HECTD2: variants seen among roughly 807,000 people sequenced by gnomAD.
HECTD2 encodes probable E3 ubiquitin-protein ligase HECTD2.
In HECTD2, 35 loss-of-function variants were observed where a neutral mutation model predicts 103.2. That is an observed-to-expected ratio of 0.34 (90% CI 0.26 to 0.45). The LOEUF is 0.45. Among genes scored for constraint, HECTD2 ranks in the 20% least tolerant of loss-of-function variants. The pLI, the probability that HECTD2 is intolerant of heterozygous loss-of-function variation, is 1.00. For missense variants in HECTD2, 596 were observed against 937.4 expected (o/e 0.64, Z 4.76); for synonymous variants, 281 against 329.9 (o/e 0.85, Z 1.61).
At chr10:91,505,462 G>A (rs1260538032) in intron 20 of HECTD2, among the ~76,000 whole-genome samples, 3 of 151,566 alleles carry the variant, frequency 2.0e-5, no homozygotes, top group African/African-American at 4.9e-5. Context: ...AAAAAGGCAG[G>A]GGTTGCAATC....
intron 10 of HECTD2, chr10:91,486,419 GACA>G (rs1205053595): frequency 1.3e-5 from 2 of 152,118 alleles, no homozygotes; most frequent in Non-Finnish European, 2.9e-5. Flanking sequence ...ATATTTCACT[GACA>G]ACAACATCTT....
At position 91,461,283 on chromosome 10, in the gene HECTD2, G is replaced by T; in HGVS notation, c.437G>T (p.Gly146Val). 1 of 1,545,616 alleles carries T rather than the reference G, an allele frequency of 6.5e-7. No individual in the cohort carries two copies. The highest frequency in any genetic ancestry group is 1.2e-5 in the South Asian group (1 of 82,444). ...GATGTAGAAAAAGTTAAGTCATCAG[G>T]AGATTGGAAAGCAGTACATGATTTT... ...QEDVEKVKSSGDWKAVHDFYL... is the reference protein window; with the variant it reads ...QEDVEKVKSSVDWKAVHDFYL... The change falls in exon 4 of 21, where the codon GGA becomes GTA. Residue 146 changes from glycine to valine, a missense_variant. Physicochemically the swap from Gly to Val is moderately radical, Grantham distance 109. Coordinates refer to ENST00000298068, the MANE Select transcript of HECTD2 (RefSeq NM_182765.6).
chr10:91,450,342 A>C (rs779375337), intron 2 of HECTD2, among the ~76,000 whole-genome samples: 15 of 152,084 alleles, frequency 9.9e-5, no homozygotes, highest in Non-Finnish European at 1.8e-4. Flanking sequence ...CTGAAACTGG[A>C]CCCCTTCCTT....
chr10:91,473,826 G>T (rs1387335446), intron 5 of HECTD2, among the ~76,000 whole-genome samples: 5 of 152,028 alleles, frequency 3.3e-5, no homozygotes, highest in Non-Finnish European at 5.9e-5. Context: ...TATTGGTGAG[G>T]TTCTGATCAA....
At chr10:91,478,620 A>G (rs1267173294) in intron 6 of HECTD2, among the ~76,000 whole-genome samples, 1 of 152,182 alleles carries the variant, frequency 6.6e-6, no homozygotes, top group African/African-American at 2.4e-5. Context: ...CCTGGTAGCC[A>G]GAGTGAAATT....
chr10:91,410,404 C>A lies in HECTD2; in HGVS notation c.-35C>A, dbSNP rs1289902535. The A allele has an allele frequency of 7.5e-6, 10 of 1,339,326 alleles. No individual in the cohort carries two copies. In the South Asian group the frequency reaches 1.6e-4, roughly 22 times the overall value. 83.0% of individuals were successfully genotyped at this position (1,339,326 alleles called of 1,614,324 possible). A position where few individuals can be genotyped will look rare whatever the true frequency, so the allele number is the denominator to read the frequency against. ...CCAGCCCCAGCAACACTGAGGCCGCCGCCGCCGCCTGGCGCTCCCGCCGCC... is the reference window on the plus strand; with the variant it reads ...CCAGCCCCAGCAACACTGAGGCCGCAGCCGCCGCCTGGCGCTCCCGCCGCC... On this transcript the variant is annotated 5_prime_UTR_variant, in exon 1 of 21. Coordinates refer to ENST00000298068, the MANE Select transcript of HECTD2 (RefSeq NM_182765.6).
upstream of HECTD2, chr10:91,409,516 G>A (rs1294970050): frequency 1.3e-5 from 2 of 153,074 alleles, no homozygotes; most frequent in African/African-American, 2.4e-5. Context: ...GTAGGCGCGT[G>A]GGGACGGGAA....
intron 20 of HECTD2, among the ~76,000 whole-genome samples, chr10:91,511,428 T>G (rs923798803): frequency 6.6e-6 from 1 of 152,220 alleles, no homozygotes; most frequent in Non-Finnish European, 1.5e-5. Flanking sequence ...ATTCATTATA[T>G]TATCTACTCC....
chr10:91,431,613 A>G (rs7920790), intron 2 of HECTD2, among the ~76,000 whole-genome samples: 30,587 of 151,464 alleles, frequency 0.2, 7,323 homozygotes, highest in African/African-American at 0.58. Flanking sequence ...TTCCCTTCTC[A>G]CTTCATTTCA....
At chr10:91,417,700 A>C (rs990409919) in intron 1 of HECTD2, among the ~76,000 whole-genome samples, 6 of 151,762 alleles carry the variant, frequency 4.0e-5, no homozygotes, top group Non-Finnish European at 5.9e-5. Flanking sequence ...TGAACTCATC[A>C]TTTTTTATGG....
At chr10:91,467,800 TTGC>T (rs1845583540) in intron 5 of HECTD2, among the ~76,000 whole-genome samples, 1 of 152,188 alleles carries the variant, frequency 6.6e-6, no homozygotes, top group Non-Finnish European at 1.5e-5. Flanking sequence ...GAGTACATGC[TTGC>T]TGCCCCCACT....
chr10:91,415,864 A>T (rs1447120905), intron 1 of HECTD2, among the ~76,000 whole-genome samples: 1 of 152,206 alleles, frequency 6.6e-6, no homozygotes, highest in African/African-American at 2.4e-5. Context: ...TCATTAAATT[A>T]TATGTAAAAT....
chr10:91,411,914 G>T (rs919028987), intron 1 of HECTD2, among the ~76,000 whole-genome samples: 1 of 152,172 alleles, frequency 6.6e-6, no homozygotes, highest in African/African-American at 2.4e-5. Context: ...TAAGTTGGTT[G>T]TTTAAAACAG....
chr10:91,416,541 G>C (rs543490953), intron 1 of HECTD2, among the ~76,000 whole-genome samples: 2 of 151,918 alleles, frequency 1.3e-5, no homozygotes, highest in East Asian at 3.9e-4. Context: ...ATATAACCTA[G>C]GTGTGTAGTA....
Position 91,484,984 on chromosome 10 carries a change from C to G in HECTD2, c.971-196C>G, listed in dbSNP as rs558539472. On this transcript the variant is annotated intron_variant, in intron 9 of 20. Transcript: ENST00000298068. ...TATTATAATCCTCACCACAAGTTTT[C>G]TTTTTTAAGCAAGAAACTATTGGCT... Among the ~76,000 whole-genome samples the G allele has an allele frequency of 7.3e-4, 111 of 151,978 alleles. 1 individual carries two copies. The highest frequency in any genetic ancestry group is 7.8e-4 in the Non-Finnish European group (53 of 67,860).
At chr10:91,416,542 G>A (rs1843134286) in intron 1 of HECTD2, among the ~76,000 whole-genome samples, 3 of 151,736 alleles carry the variant, frequency 2.0e-5, no homozygotes, top group Admixed American at 6.5e-5. Context: ...TATAACCTAG[G>A]TGTGTAGTAA....
chr10:91,508,659 C>A (rs1564741381), intron 20 of HECTD2, among the ~76,000 whole-genome samples: 1 of 148,274 alleles, frequency 6.7e-6, no homozygotes, highest in East Asian at 2.0e-4. Context: ...AATAGGAACA[C>A]TTTTACACTG....
chr10:91,489,025 GA>G (rs1334867850), intron 11 of HECTD2: 1 of 152,072 alleles, frequency 6.6e-6, no homozygotes, highest in Non-Finnish European at 1.5e-5. Flanking sequence ...CTTGGTCTAT[GA>G]TTTTTTTATA....
chr10:91,437,920 TG>T (rs1844203155), intron 2 of HECTD2, among the ~76,000 whole-genome samples: 1 of 152,002 alleles, frequency 6.6e-6, no homozygotes, highest in South Asian at 2.1e-4. Flanking sequence ...AACTTATTTT[TG>T]TTCTTGTTTT....
Sources: allele counts gnomAD v4.1 joint callset (sites outside exome capture counted in the v4.1 genomes callset), GRCh38; gene constraint gnomAD v4.1.1; transcripts MANE v1.5; gene names NCBI Gene and HGNC (gene_info 2026-07-23, HGNC 2026-07-21).